SCN1A: variants seen among roughly 807,000 people sequenced by gnomAD.
SCN1A encodes sodium channel protein type 1 subunit alpha.
Under a neutral mutation model 193.7 loss-of-function variants are expected in SCN1A, and 13 were observed. The observed-to-expected ratio is 0.07, with a 90% confidence interval of 0.04 to 0.11. The LOEUF (loss-of-function observed/expected upper bound fraction) is 0.11, where lower values mean the gene tolerates loss of function less well. Ranked by LOEUF, SCN1A falls within the 10% of genes least tolerant of loss-of-function variation. The pLI is 1.00. For missense variants in SCN1A, 1,432 were observed against 2,451.1 expected (o/e 0.58, Z 8.78); for synonymous variants, 781 against 843.6 (o/e 0.93, Z 1.29).
chr2:166,052,881 C>T lies in SCN1A; in HGVS notation c.665G>A (p.Arg222Gln). 1.2e-6 allele frequency: 2 copies of T among 1,612,398 alleles called. No individual in the cohort carries two copies. The highest frequency in any genetic ancestry group is 1.7e-6 in the Non-Finnish European group (2 of 1,179,026). Reference protein sequence around the residue: ...VSALRTFRVLRALKTISVIPG... With the variant: ...VSALRTFRVLQALKTISVIPG... ...AATGACTGAAATCGTCTTCAATGCT[C>T]GGAGAACTCTGAATGTTCTCAATGC... The change falls in exon 8 of 29, where the codon CGA (arginine) becomes CAA (glutamine). Residue 222 changes from arginine (R) to glutamine (Q), a missense_variant. Transcript: ENST00000674923.
chr2:166,054,610 C>T (rs1318118999), intron 7 of SCN1A, 28 bp downstream of exon 7: 7 of 1,610,674 alleles, frequency 4.3e-6, no homozygotes, highest in Middle Eastern at 1.7e-4. Context: ...ACTATGTTCT[C>T]TCTTAAAGTT....
chr2:166,067,471 C>CT (rs5836078), intron 4 of SCN1A, among the ~76,000 whole-genome samples: 31,621 of 145,806 alleles, frequency 0.22, 3,536 homozygotes, highest in East Asian at 0.36. Flanking sequence ...ACTGACTTCT[C>CT]TTTTTTTTTT....
intron 2 of SCN1A, among the ~76,000 whole-genome samples, chr2:166,103,931 T>G (rs1476846328): frequency 6.6e-6 from 1 of 152,226 alleles, no homozygotes; most frequent in Non-Finnish European, 1.5e-5. Context: ...GAGCAGTGTA[T>G]AGCTAGAGCT....
intron 19 of SCN1A, among the ~76,000 whole-genome samples, chr2:166,024,522 T>C (rs971615827): frequency 6.6e-6 from 1 of 152,238 alleles, no homozygotes; most frequent in African/African-American, 2.4e-5. Flanking sequence ...TGCTTTTGTT[T>C]CTTCTTTTTT....
chr2:166,117,997 A>G (rs528198963), intron 2 of SCN1A, among the ~76,000 whole-genome samples: 4 of 151,790 alleles, frequency 2.6e-5, no homozygotes, highest in East Asian at 1.9e-4. Flanking sequence ...TTTTTGGATT[A>G]TATTCTATAT....
At chr2:166,030,210 G>A (rs563422578) in intron 19 of SCN1A, among the ~76,000 whole-genome samples, 1 of 152,274 alleles carries the variant, frequency 6.6e-6, no homozygotes, top group Non-Finnish European at 1.5e-5. Context: ...CAGACTGCCA[G>A]GACCAACCAC....
intron 19 of SCN1A, among the ~76,000 whole-genome samples, chr2:166,034,844 A>G (rs1696123298): frequency 6.6e-6 from 1 of 152,152 alleles, no homozygotes; most frequent in African/African-American, 2.4e-5. Context: ...TTCCATGTAC[A>G]TGCATTGAGG....
intron 19 of SCN1A, among the ~76,000 whole-genome samples, chr2:166,026,628 A>T (rs1218802721): frequency 1.3e-5 from 2 of 148,426 alleles, no homozygotes; most frequent in African/African-American, 5.0e-5. Flanking sequence ...TAATAAAGTA[A>T]TTTGTTCTCA....
At chr2:166,039,621 A>C in intron 16 of SCN1A, 25 bp from the exon 17 acceptor site, 1 of 1,597,346 alleles carries the variant, frequency 6.3e-7, no homozygotes. Flanking sequence ...AAATTAATCT[A>C]ATTCCACCAG....
chr2:166,009,976 T>TA (rs1692205201), intron 22 of SCN1A, 135 bp from the exon 23 acceptor site: 6 of 754,214 alleles, frequency 8.0e-6, no homozygotes, highest in Non-Finnish European at 6.3e-6. Context: ...AGTAAACCTT[T>TA]AAAAAATTAA....
chr2:165,986,008 C>T lies in SCN1A; in HGVS notation c.*5237G>A, dbSNP rs1307095269. On this transcript the variant is annotated 3_prime_UTR_variant, in exon 29 of 29. Transcript: ENST00000674923. ...GTAGAGTTGTCTGTCCCAATGGTTA[C>T]TAGACTTTTGGATTTCATGCACCAG... 6.6e-6 allele frequency: 1 copy of T among 152,000 alleles called. No individual in the cohort carries two copies. The highest frequency in any genetic ancestry group is 1.5e-5 in the Non-Finnish European group (1 of 67,994). The allele number at this position is 152,000 out of a possible 1,614,324, so 9.4% of individuals were successfully genotyped here.
chr2:166,083,975 C>T (rs1314486136), intron 2 of SCN1A, among the ~76,000 whole-genome samples: 1 of 152,052 alleles, frequency 6.6e-6, no homozygotes, highest in Non-Finnish European at 1.5e-5. Flanking sequence ...ATCCTCGTGA[C>T]TGTGATTGTG....
intron 2 of SCN1A, among the ~76,000 whole-genome samples, chr2:166,102,764 C>T (rs897033547): frequency 6.6e-6 from 1 of 152,070 alleles, no homozygotes; most frequent in South Asian, 2.1e-4. Context: ...TTCATTGCAG[C>T]ACTATTCACA....
chr2:166,026,243 A>G (rs531861999), intron 19 of SCN1A, among the ~76,000 whole-genome samples: 1 of 152,266 alleles, frequency 6.6e-6, no homozygotes, highest in East Asian at 1.9e-4. Context: ...ATTTTTTAAA[A>G]TATTTTACCA....
At chr2:165,985,693 T>C (rs1434327900), downstream of SCN1A, 1 of 152,180 alleles carries the variant, frequency 6.6e-6, no homozygotes, top group African/African-American at 2.4e-5. Flanking sequence ...TACTTGATTG[T>C]CTAGAGTATT....
chr2:166,090,376 G>A (rs1479363859), intron 2 of SCN1A, among the ~76,000 whole-genome samples: 3 of 152,090 alleles, frequency 2.0e-5, no homozygotes, highest in South Asian at 2.1e-4. Context: ...ACTGCTACAC[G>A]TGGACAGCCA....
intron 22 of SCN1A, among the ~76,000 whole-genome samples, chr2:166,011,027 G>A (rs1692370463): frequency 6.6e-6 from 1 of 151,078 alleles, no homozygotes; most frequent in Admixed American, 6.6e-5. Context: ...TTCTGAAATT[G>A]AAACATAATG....
At chr2:166,145,175 T>TG (rs5836089) in intron 1 of SCN1A, among the ~76,000 whole-genome samples, 1 of 129,566 alleles carries the variant, frequency 7.7e-6, no homozygotes, top group Non-Finnish European at 1.6e-5. Flanking sequence ...TTTTTTTTTG[T>TG]GGGGGACAGA....
rs1685271312 is a variant in SCN1A at position 166,079,399 on chromosome 2, G to A, written c.-141-1598C>T. Among the ~76,000 whole-genome samples, 4 of 146,812 alleles carry A rather than the reference G, an allele frequency of 2.7e-5. No individual in the cohort carries two copies. The South Asian group carries it at 8.8e-4, about 32-fold the overall frequency. On this transcript the variant is annotated intron_variant, in intron 2 of 28. Coordinates refer to ENST00000674923, the MANE Select transcript of SCN1A (RefSeq NM_001165963.4). ...CCTTTAAAGACAACTTTGTCTCATA[G>A]CATATAATGACTTTAATTTCTACTT...
Sources: gnomAD v4.1 joint callset for allele counts (sites outside exome capture counted in the v4.1 genomes callset) on GRCh38, gnomAD v4.1.1 for gene constraint, MANE v1.5 for transcripts, NCBI Gene and HGNC (gene_info 2026-07-23, HGNC 2026-07-21) for gene names.